TBC1D31: variants seen among roughly 807,000 people sequenced by gnomAD.
TBC1D31 encodes TBC1 domain family member 31.
A neutral mutation model predicts 132.9 loss-of-function variants in TBC1D31; 99 were observed. The ratio of observed to expected loss-of-function variants is 0.74; its 90% confidence interval spans 0.63 to 0.88. TBC1D31 has a LOEUF of 0.88. TBC1D31 is among the 40% of genes least tolerant of loss of function. TBC1D31 has a pLI of 0.00. For missense variants in TBC1D31, 1,134 were observed against 1,256.6 expected (o/e 0.90, Z 1.48); for synonymous variants, 385 against 419.4 (o/e 0.92, Z 1.00).
chr8:123,074,007 C>T (rs1370267053), intron 1 of TBC1D31, among the ~76,000 whole-genome samples: 3 of 143,826 alleles, frequency 2.1e-5, no homozygotes, highest in Non-Finnish European at 4.6e-5. Context: ...TTCTATTGAT[C>T]CTTTGGTTGC....
chr8:123,128,040 A>G, intron 13 of TBC1D31: 1 of 304,628 alleles, frequency 3.3e-6, no homozygotes, highest in Non-Finnish European at 5.9e-6. Flanking sequence ...TTCTTTTTCT[A>G]TTGTAAGAAA....
At chr8:123,129,568 TTG>T (rs1353645583) in intron 15 of TBC1D31, among the ~76,000 whole-genome samples, 1 of 152,220 alleles carries the variant, frequency 6.6e-6, no homozygotes, top group Admixed American at 6.5e-5. Context: ...ATTTTTTTAA[TTG>T]TGTTTTAAAC....
chr8:123,160,693 C>G, the TBC1D31 span, among the ~76,000 whole-genome samples: 1 of 152,190 alleles, frequency 6.6e-6, no homozygotes, highest in African/African-American at 2.4e-5. Flanking sequence ...GCGCCACTAG[C>G]CGGTACAGGG....
rs959113487 is a variant in TBC1D31 at position 123,094,358 on chromosome 8, G to A, written c.671+616G>A. Among the ~76,000 whole-genome samples, 28 of 151,936 alleles carry A rather than the reference G, an allele frequency of 1.8e-4. 1 individual carries two copies. Among genetic ancestry groups the A allele is most frequent in the East Asian group, 5.8e-4 (3 of 5,136 alleles). On this transcript the variant is annotated intron_variant, in intron 5 of 21. Coordinates refer to ENST00000287380, the MANE Select transcript of TBC1D31 (RefSeq NM_145647.4). ...ATTACAGGCATGAGCCACCGTGCCCGGCCATTTCTATTTTTATCAATAACT... is the reference window on the plus strand; with the variant it reads ...ATTACAGGCATGAGCCACCGTGCCCAGCCATTTCTATTTTTATCAATAACT...
chr8:123,116,171 A>T lies in TBC1D31; in HGVS notation c.1437-3884A>T, dbSNP rs73339605. ...AAATTGACTTGTTTTTAAAGATGTCATTTCAAAGTAATGAAGAAAAGATAG... is the reference window on the plus strand; with the variant it reads ...AAATTGACTTGTTTTTAAAGATGTCTTTTCAAAGTAATGAAGAAAAGATAG... On this transcript the variant is annotated intron_variant, in intron 10 of 21. Transcript: ENST00000287380. Among the ~76,000 whole-genome samples the T allele has an allele frequency of 1.8e-3, 275 of 152,322 alleles. 2 individuals carry two copies. The highest frequency in any genetic ancestry group is 6.4e-3 in the African/African-American group (267 of 41,572).
chr8:123,119,487 G>A (rs922017677), intron 10 of TBC1D31, among the ~76,000 whole-genome samples: 1 of 152,226 alleles, frequency 6.6e-6, no homozygotes, highest in Admixed American at 6.5e-5. Context: ...GAGGCGGGAA[G>A]ATCGCTTGAG....
chr8:123,137,667 G>A (rs1053719803), intron 17 of TBC1D31, among the ~76,000 whole-genome samples: 1 of 152,198 alleles, frequency 6.6e-6, no homozygotes, highest in South Asian at 2.1e-4. Flanking sequence ...GCTGACTTTA[G>A]TTACTTTCTC....
intron 2 of TBC1D31, 33 bp from the exon 3 acceptor site, chr8:123,082,669 A>C: frequency 7.0e-7 from 1 of 1,433,056 alleles, no homozygotes; most frequent in Non-Finnish European, 9.7e-7. Context: ...TATTGGAAGA[A>C]TTTGTGATAC....
At chr8:123,152,460 A>G (rs1029127733), downstream of TBC1D31, among the ~76,000 whole-genome samples, 2 of 152,084 alleles carry the variant, frequency 1.3e-5, no homozygotes, top group African/African-American at 4.8e-5. Flanking sequence ...TTCTTCTGGC[A>G]GCACCGACTG....
At chr8:123,080,430 C>G (rs1289438105) in intron 2 of TBC1D31, among the ~76,000 whole-genome samples, 3 of 151,812 alleles carry the variant, frequency 2.0e-5, no homozygotes, top group Non-Finnish European at 4.4e-5. Flanking sequence ...CGTTGTCCTT[C>G]CTGGTAGAGA....
intron 10 of TBC1D31, among the ~76,000 whole-genome samples, chr8:123,111,737 T>A (rs181116148): frequency 1.0e-3 from 154 of 152,298 alleles, no homozygotes; most frequent in African/African-American, 3.7e-3. Context: ...TATATAACTA[T>A]AAATAATAAC....
chr8:123,093,097 T>C (rs1380212663), intron 4 of TBC1D31, among the ~76,000 whole-genome samples: 1 of 151,612 alleles, frequency 6.6e-6, no homozygotes, highest in Admixed American at 6.6e-5. Context: ...CAGGTGTGAG[T>C]CACTGCGCCT....
chr8:123,093,164 G>A (rs539727898), intron 4 of TBC1D31, among the ~76,000 whole-genome samples: 2 of 152,110 alleles, frequency 1.3e-5, no homozygotes, highest in African/African-American at 4.8e-5. Context: ...GGCCAGGCTG[G>A]TCTCGAACTT....
intron 2 of TBC1D31, among the ~76,000 whole-genome samples, chr8:123,081,577 T>C (rs1020964450): frequency 6.6e-6 from 1 of 152,226 alleles, no homozygotes; most frequent in Non-Finnish European, 1.5e-5. Flanking sequence ...TTTAGACACA[T>C]ATTGAGTTCA....
intron 5 of TBC1D31, among the ~76,000 whole-genome samples, chr8:123,094,255 G>C (rs1379581986): frequency 6.6e-6 from 1 of 151,774 alleles, no homozygotes; most frequent in Non-Finnish European, 1.5e-5. Context: ...GTAGAGACAG[G>C]GTTTCACCAT....
At chr8:123,165,104 A>T in the TBC1D31 span, among the ~76,000 whole-genome samples, 1 of 152,174 alleles carries the variant, frequency 6.6e-6, no homozygotes, top group African/African-American at 2.4e-5. Flanking sequence ...TGCAGAAGAA[A>T]CCAATCCTGT....
At chr8:123,150,270 G>A in intron 21 of TBC1D31, 142 bp downstream of exon 21, 1 of 649,332 alleles carries the variant, frequency 1.5e-6, no homozygotes, top group Non-Finnish European at 2.7e-6. Context: ...AAGGGAGGCA[G>A]CAAGATTCTC....
chr8:123,109,417 G>A (rs1320301663), intron 9 of TBC1D31, 21 bp downstream of exon 9: 2 of 1,606,338 alleles, frequency 1.2e-6, no homozygotes, highest in Non-Finnish European at 1.7e-6. Flanking sequence ...AATTCTGTAT[G>A]TTACATCAGT....
the TBC1D31 span, among the ~76,000 whole-genome samples, chr8:123,164,227 T>C: frequency 6.6e-6 from 1 of 152,150 alleles, no homozygotes; most frequent in African/African-American, 2.4e-5. Context: ...TATATTCTTC[T>C]GAAAGAGTCA....
Sources: allele counts gnomAD v4.1 joint callset (sites outside exome capture counted in the v4.1 genomes callset), GRCh38; gene constraint gnomAD v4.1.1; transcripts MANE v1.5; gene names NCBI Gene and HGNC (gene_info 2026-07-23, HGNC 2026-07-21).